Variants in CEP43 observed in about 807,000 individuals in gnomAD.
CEP43 encodes the protein FGFR1 oncogene partner.
Under a neutral mutation model 52.6 loss-of-function variants are expected in CEP43, and 36 were observed. That is an observed-to-expected ratio of 0.68 (90% CI 0.52 to 0.90). The LOEUF is 0.90. CEP43 is among the 40% of genes least tolerant of loss of function. The probability of loss-of-function intolerance (pLI) is 0.00; values close to 1 mark genes in which losing one functional copy is unlikely to be tolerated. For synonymous variants in CEP43, 192 were observed against 172.4 expected (o/e 1.11, Z -0.89); for missense variants, 506 against 472.8 (o/e 1.07, Z -0.65).
At chr6:167,002,245 A>G (rs947721390) in intron 2 of CEP43, among the ~76,000 whole-genome samples, 1 of 152,082 alleles carries the variant, frequency 6.6e-6, no homozygotes, top group Non-Finnish European at 1.5e-5. Context: ...ATGGAATCGT[A>G]TAGTAGGTAC....
intron 2 of CEP43, 55 bp downstream of exon 2, chr6:167,000,168 T>A: frequency 7.4e-7 from 1 of 1,343,786 alleles, no homozygotes; most frequent in Non-Finnish European, 1.0e-6. Context: ...TAATTTCTTA[T>A]TCATTAAAAA....
chr6:167,016,154 G>C (rs1780093518), intron 7 of CEP43, among the ~76,000 whole-genome samples: 1 of 151,654 alleles, frequency 6.6e-6, no homozygotes, highest in African/African-American at 2.4e-5. Context: ...GAAATGTTGA[G>C]TAAGATCTAT....
At chr6:167,006,063 C>T (rs1422196786) in intron 5 of CEP43, among the ~76,000 whole-genome samples, 1 of 152,144 alleles carries the variant, frequency 6.6e-6, no homozygotes, top group Admixed American at 6.5e-5. Flanking sequence ...TGCCCAGGTT[C>T]CTTATCTGCA....
At chr6:167,001,954 T>C (rs1021655543) in intron 2 of CEP43, among the ~76,000 whole-genome samples, 6 of 152,204 alleles carry the variant, frequency 3.9e-5, no homozygotes, top group Non-Finnish European at 8.8e-5. Flanking sequence ...GTTGACTCCC[T>C]ATCTTAGAAT....
At chr6:166,999,557 C>A in intron 1 of CEP43, 43 bp downstream of exon 1, 2 of 1,294,766 alleles carry the variant, frequency 1.5e-6, no homozygotes, top group South Asian at 1.8e-5. Flanking sequence ...ATCCGCAGGG[C>A]TTGCGTGGAC....
chr6:167,039,249 C>T (rs1780643712), intron 12 of CEP43, among the ~76,000 whole-genome samples: 1 of 152,158 alleles, frequency 6.6e-6, no homozygotes, highest in Non-Finnish European at 1.5e-5. Context: ...CCCGCCTCAG[C>T]CTCCCAAGTA....
chr6:167,033,204 G>A (rs1320611973), intron 11 of CEP43, among the ~76,000 whole-genome samples: 9 of 148,698 alleles, frequency 6.1e-5, no homozygotes, highest in African/African-American at 1.5e-4. Flanking sequence ...TCCTTCTCCC[G>A]GGTTCAAGCC....
chr6:167,022,120 A>G (rs950724338), intron 7 of CEP43, among the ~76,000 whole-genome samples: 2 of 152,210 alleles, frequency 1.3e-5, no homozygotes, highest in Non-Finnish European at 2.9e-5. Context: ...ATTTCCATTT[A>G]GGGAAAGAGG....
intron 12 of CEP43, 97 bp from the exon 13 acceptor site, chr6:167,039,807 G>A (rs983228500): frequency 6.5e-6 from 8 of 1,227,574 alleles, no homozygotes; most frequent in Non-Finnish European, 9.4e-6. Flanking sequence ...TCTTGCAGGA[G>A]TAAGGTGGTA....
At chr6:167,003,668 T>A in intron 3 of CEP43, 55 bp from the exon 4 acceptor site, 1 of 1,090,682 alleles carries the variant, frequency 9.2e-7, no homozygotes, top group Admixed American at 1.9e-5. Context: ...AATGTTAATT[T>A]AAAAAATTCA....
chr6:167,012,472 C>T (rs1421619859), intron 6 of CEP43, among the ~76,000 whole-genome samples: 1 of 151,998 alleles, frequency 6.6e-6, no homozygotes, highest in African/African-American at 2.4e-5. Context: ...ATAAAACAGC[C>T]TATGTAAGTA....
At chr6:167,000,942 A>G (rs934824100) in intron 2 of CEP43, among the ~76,000 whole-genome samples, 1 of 152,174 alleles carries the variant, frequency 6.6e-6, no homozygotes, top group African/African-American at 2.4e-5. Context: ...GAGTCAGTCA[A>G]TCCTGTGGAT....
intron 12 of CEP43, among the ~76,000 whole-genome samples, chr6:167,037,477 TC>T (rs1261079400): frequency 6.6e-6 from 1 of 152,252 alleles, no homozygotes; most frequent in Non-Finnish European, 1.5e-5. Context: ...TGCAAGCTTT[TC>T]TGACTTTTCA....
chr6:167,034,347 A>T (rs1780537962), intron 12 of CEP43, among the ~76,000 whole-genome samples: 2 of 152,170 alleles, frequency 1.3e-5, no homozygotes, highest in East Asian at 1.9e-4. Context: ...GAGTGCAGAG[A>T]GTGTGGTCAT....
In CEP43 at chr6:167,010,723, T is replaced by G. The variant is rs539983584; in HGVS notation, c.439-90T>G. ...AATAAAATACCAACATTGTATAGTG[T>G]TTTTAAATGCTAAAATTCTATTGGA... On this transcript the variant is annotated intron_variant, in intron 5 of 12. Coordinates refer to ENST00000366847, the MANE Select transcript of CEP43 (RefSeq NM_007045.4). The G allele has an allele frequency of 1.9e-4, 114 of 585,852 alleles. 2 individuals are homozygous for G. In the South Asian group the frequency reaches 4.1e-3, roughly 21 times the overall value. 36.3% of individuals were successfully genotyped at this position (585,852 alleles called of 1,614,324 possible). A position where few individuals can be genotyped will look rare whatever the true frequency, so the allele number is the denominator to read the frequency against.
At chr6:167,035,973 A>G (rs955181714) in intron 12 of CEP43, 1 of 764,116 alleles carries the variant, frequency 1.3e-6, no homozygotes, top group East Asian at 1.3e-4. Flanking sequence ...AGTGCTTAGC[A>G]GAACAGGCAT....
At chr6:167,002,257 C>T (rs1001895895) in intron 2 of CEP43, among the ~76,000 whole-genome samples, 1 of 151,130 alleles carries the variant, frequency 6.6e-6, no homozygotes, top group Non-Finnish European at 1.5e-5. Flanking sequence ...AGTAGGTACT[C>T]TTTTTTTTTG....
Position 166,999,479 on chromosome 6 carries a change from A to G in CEP43, c.67A>G (p.Thr23Ala). 1 of 1,483,924 alleles carries G rather than the reference A, an allele frequency of 6.7e-7. No homozygotes were observed. Among genetic ancestry groups the G allele is most frequent in the Non-Finnish European group, 9.0e-7 (1 of 1,115,076 alleles). 91.9% of individuals were successfully genotyped at this position (1,483,924 alleles called of 1,614,324 possible). A position where few individuals can be genotyped will look rare whatever the true frequency, so the allele number is the denominator to read the frequency against. The change falls in exon 1 of 13, where the codon ACG becomes GCG. Residue 23 changes from threonine to alanine, a missense_variant. Physicochemically the swap from Thr to Ala is moderately conservative, Grantham distance 58 (BLOSUM62 0). Coordinates refer to ENST00000366847, the MANE Select transcript of CEP43 (RefSeq NM_007045.4). Reference sequence around the variant, plus strand: ...GGAGCTGCGGGACCTGCTGGTGCAGACGCTGGAGAACAGCGGGGTCCTGAA... The same window carrying G: ...GGAGCTGCGGGACCTGCTGGTGCAGGCGCTGGAGAACAGCGGGGTCCTGAA... ...DTELRDLLVQ[T>A]LENSGVLNRI...
At chr6:167,029,058 A>G (rs1780412643) in intron 10 of CEP43, among the ~76,000 whole-genome samples, 1 of 152,118 alleles carries the variant, frequency 6.6e-6, no homozygotes. Context: ...TCTCTCACAT[A>G]GTCTTTGTGT....
Sources: gnomAD v4.1 joint callset for allele counts (sites outside exome capture counted in the v4.1 genomes callset) on GRCh38, gnomAD v4.1.1 for gene constraint, MANE v1.5 for transcripts, NCBI Gene and HGNC (gene_info 2026-07-23, HGNC 2026-07-21) for gene names.